PRSS23: variants seen among roughly 807,000 people sequenced by gnomAD.
PRSS23 encodes the protein protease, serine 23.
A neutral mutation model predicts 34.7 loss-of-function variants in PRSS23; 25 were observed. That is an observed-to-expected ratio of 0.72 (90% CI 0.53 to 1.01). PRSS23 has a LOEUF of 1.01. Among genes scored for constraint, PRSS23 ranks in the 50% least tolerant of loss-of-function variants. The pLI is 0.00. For missense variants in PRSS23, 445 were observed against 475.6 expected (o/e 0.94, Z 0.60); for synonymous variants, 176 against 186.6 (o/e 0.94, Z 0.46).
chr11:86,885,521 A>G (rs367940003), intron 2 of PRSS23, among the ~76,000 whole-genome samples: 2 of 152,262 alleles, frequency 1.3e-5, no homozygotes, highest in South Asian at 4.2e-4. Context: ...TAAACGGATT[A>G]CCCTCCATAA....
chr11:86,926,848 T>C (rs1949085202), intron 2 of PRSS23, among the ~76,000 whole-genome samples: 1 of 152,186 alleles, frequency 6.6e-6, no homozygotes, highest in South Asian at 2.1e-4. Context: ...TGTCTCATTA[T>C]GTGTTCAGCA....
In PRSS23 at chr11:86,841,359, G is replaced by GA. The variant is rs58774276; in HGVS notation, c.206+17778dup. Among the ~76,000 whole-genome samples, 400 of 123,788 alleles carry GA rather than the reference G, an allele frequency of 3.2e-3. 4 individuals are homozygous for GA. The highest frequency in any genetic ancestry group is 8.3e-3 in the South Asian group (33 of 3,978). 81.2% of individuals were successfully genotyped at this position (123,788 alleles called of 152,430 possible). A position where few individuals can be genotyped will look rare whatever the true frequency, so the allele number is the denominator to read the frequency against. On this transcript the variant is annotated intron_variant, in intron 2 of 2. Coordinates refer to the PRSS23 transcript ENST00000533902. ...CATCTCAAAAAAAAAAAAAGAAGAAGAAAAAAAAAAAAGAACAAGGACTAG... is the reference window on the plus strand; with the variant it reads ...CATCTCAAAAAAAAAAAAAGAAGAAGAAAAAAAAAAAAAGAACAAGGACTAG...
At chr11:86,804,268 GATATTTTAAAAATATCT>G (rs1180743215) in intron 1 of PRSS23, among the ~76,000 whole-genome samples, 3 of 152,168 alleles carry the variant, frequency 2.0e-5, no homozygotes, top group Non-Finnish European at 4.4e-5. Flanking sequence ...TTTCTGATTA[GATATTTTAAAAATATCT>G]AAGCCTAATC....
At chr11:86,885,047 C>T (rs544604364) in intron 2 of PRSS23, among the ~76,000 whole-genome samples, 2 of 152,270 alleles carry the variant, frequency 1.3e-5, no homozygotes, top group African/African-American at 4.8e-5. Context: ...AAGAAAACAG[C>T]TTCTTGAAGA....
chr11:86,887,693 G>A (rs777227607), intron 2 of PRSS23, among the ~76,000 whole-genome samples: 3 of 152,110 alleles, frequency 2.0e-5, no homozygotes, highest in Non-Finnish European at 2.9e-5. Context: ...CTCATAGTCC[G>A]GTGTACTGGG....
intron 2 of PRSS23, among the ~76,000 whole-genome samples, chr11:86,842,351 C>T (rs1948454822): frequency 3.3e-5 from 5 of 152,196 alleles, no homozygotes; most frequent in African/African-American, 1.2e-4. Context: ...CAACTGGAAG[C>T]ATTCCCTTTG....
intron 2 of PRSS23, among the ~76,000 whole-genome samples, chr11:86,897,585 G>A (rs1292352701): frequency 6.6e-6 from 1 of 152,086 alleles, no homozygotes; most frequent in African/African-American, 2.4e-5. Context: ...TAATCCTCCT[G>A]CCTCAGCCTC....
intron 2 of PRSS23, among the ~76,000 whole-genome samples, chr11:86,835,712 T>C (rs555319121): frequency 1.4e-4 from 21 of 152,312 alleles, no homozygotes; most frequent in African/African-American, 4.1e-4. Context: ...AGGGCCCTGG[T>C]GCCTTTGGAT....
chr11:86,905,334 T>C (rs915638413), intron 2 of PRSS23, among the ~76,000 whole-genome samples: 5 of 152,180 alleles, frequency 3.3e-5, no homozygotes, highest in African/African-American at 1.2e-4. Flanking sequence ...GTTTTAAGCA[T>C]GATAAAGCAT....
chr11:86,884,457 A>G (rs1948789828), intron 2 of PRSS23, among the ~76,000 whole-genome samples: 2 of 151,580 alleles, frequency 1.3e-5, no homozygotes. Context: ...GTGCCACCAA[A>G]CTCAACTAAT....
exon 3 of PRSS23, chr11:86,952,301 T>C: frequency 1.2e-6 from 2 of 1,614,182 alleles, no homozygotes; most frequent in Non-Finnish European, 1.7e-6. Flanking sequence ...GTTGTGGTCG[T>C]TCTGTGGTGG....
chr11:86,841,939 A>C (rs111369003), intron 2 of PRSS23, among the ~76,000 whole-genome samples: 1 of 152,258 alleles, frequency 6.6e-6, no homozygotes, highest in South Asian at 2.1e-4. Flanking sequence ...TTATAAGACC[A>C]GGATCATCCT....
At chr11:86,834,528 TTCC>T (rs1263460310) in intron 2 of PRSS23, among the ~76,000 whole-genome samples, 1 of 141,118 alleles carries the variant, frequency 7.1e-6, no homozygotes, top group African/African-American at 2.7e-5. Flanking sequence ...TTCCTTTCCT[TTCC>T]TTTCCTTTCC....
chr11:86,822,149 T>G (rs1948256837), intron 1 of PRSS23, among the ~76,000 whole-genome samples: 2 of 152,184 alleles, frequency 1.3e-5, no homozygotes, highest in Admixed American at 1.3e-4. Flanking sequence ...AAATATTTAT[T>G]GAGCACCTAC....
At chr11:86,930,168 G>A (rs561822252) in intron 2 of PRSS23, among the ~76,000 whole-genome samples, 1 of 137,820 alleles carries the variant, frequency 7.3e-6, no homozygotes, top group South Asian at 2.3e-4. Flanking sequence ...GAAAAAAACT[G>A]ATATCAAGAA....
chr11:86,868,672 G>A (rs1034783106), intron 2 of PRSS23, among the ~76,000 whole-genome samples: 2 of 152,130 alleles, frequency 1.3e-5, no homozygotes, highest in Non-Finnish European at 2.9e-5. Flanking sequence ...TCTTACTCTG[G>A]GAGGAGTGGC....
At chr11:86,903,664 T>C (rs1948925246) in intron 2 of PRSS23, among the ~76,000 whole-genome samples, 1 of 151,986 alleles carries the variant, frequency 6.6e-6, no homozygotes, top group Non-Finnish European at 1.5e-5. Flanking sequence ...TTTGTATTTT[T>C]AGTAGAGTTG....
intron 2 of PRSS23, among the ~76,000 whole-genome samples, chr11:86,878,462 G>A (rs951512444): frequency 9.2e-5 from 14 of 152,198 alleles, no homozygotes; most frequent in African/African-American, 2.6e-4. Flanking sequence ...ACGGGGTTTC[G>A]CTGTGTTGGC....
chr11:86,864,474 A>G (rs764208204), intron 2 of PRSS23, among the ~76,000 whole-genome samples: 4 of 152,238 alleles, frequency 2.6e-5, no homozygotes, highest in East Asian at 1.9e-4. Flanking sequence ...GTGGTGGCCA[A>G]TGACAATCCT....
Sources: allele counts gnomAD v4.1 joint callset (sites outside exome capture counted in the v4.1 genomes callset), GRCh38; gene constraint gnomAD v4.1.1; transcripts MANE v1.5; gene names NCBI Gene and HGNC (gene_info 2026-07-23, HGNC 2026-07-21).